KIRREL3: variants seen among roughly 807,000 people sequenced by gnomAD.
KIRREL3 encodes the protein kin of IRRE-like protein 3.
In KIRREL3, 36 loss-of-function variants were observed where a neutral mutation model predicts 89.7. That is an observed-to-expected ratio of 0.40 (90% CI 0.31 to 0.53). The LOEUF is 0.53. Ranked by LOEUF, KIRREL3 falls within the 20% of genes least tolerant of loss-of-function variation. KIRREL3 has a pLI of 0.49. For missense variants in KIRREL3, 864 were observed against 1,056.6 expected (o/e 0.82, Z 2.53); for synonymous variants, 445 against 441.4 (o/e 1.01, Z -0.10).
intron 1 of KIRREL3, among the ~76,000 whole-genome samples, chr11:126,698,274 G>T (rs1015721894): frequency 3.3e-5 from 5 of 152,160 alleles, no homozygotes; most frequent in African/African-American, 1.2e-4. Flanking sequence ...GAGATGAGGG[G>T]TTTTTGAAGA....
At chr11:126,726,583 G>C (rs957038718) in intron 1 of KIRREL3, among the ~76,000 whole-genome samples, 11 of 152,126 alleles carry the variant, frequency 7.2e-5, no homozygotes, top group African/African-American at 2.4e-4. Context: ...GGCCAGGCTG[G>C]TTTCAAACTC....
chr11:126,941,844 C>T (rs1784325), intron 1 of KIRREL3, among the ~76,000 whole-genome samples: 135,353 of 152,280 alleles, frequency 0.89, 60,322 homozygotes, highest in Middle Eastern at 0.96. Flanking sequence ...TTCCCTCTTG[C>T]TTTCTAGTTT....
Position 126,521,676 on chromosome 11 carries a change from ATGTGTGTGTGTGTGTGTGTGTGTGTG to A in KIRREL3, c.284-238_284-213del, listed in dbSNP as rs55838363. 0.076 allele frequency among the ~76,000 whole-genome samples: 10,901 copies of A among 143,600 alleles called. 1,186 individuals carry two copies. The highest frequency in any genetic ancestry group is 0.24 in the African/African-American group (9,137 of 38,708). The allele number at this position is 143,600 out of a possible 152,430, so 94.2% of individuals were successfully genotyped here. ...GTTGGTTCTCTCTCTCTCTCTCTGTATGTGTGTGTGTGTGTGTGTGTGTGTGTGTGTGTGTGTGTGTGTGTGTGTGT... is the reference window on the plus strand; with the variant it reads ...GTTGGTTCTCTCTCTCTCTCTCTGTATGTGTGTGTGTGTGTGTGTGTGTGT... On this transcript the variant is annotated intron_variant, in intron 3 of 16. Coordinates refer to ENST00000525144, the MANE Select transcript of KIRREL3 (RefSeq NM_032531.4). The surrounding 1 kb of genome is among the most constrained non-coding windows in gnomAD (Gnocchi z 4.1).
intron 1 of KIRREL3, among the ~76,000 whole-genome samples, chr11:126,852,034 G>C (rs554275072): frequency 6.8e-6 from 1 of 147,682 alleles, no homozygotes; most frequent in Non-Finnish European, 1.5e-5. Flanking sequence ...GAATTCAGAA[G>C]GTTGGGGCTA....
At chr11:126,581,545 T>TA (rs1353680559) in intron 1 of KIRREL3, among the ~76,000 whole-genome samples, 2 of 152,218 alleles carry the variant, frequency 1.3e-5, no homozygotes, top group African/African-American at 2.4e-5. Context: ...AAATTGAAAC[T>TA]AAAAGTTGTA....
chr11:126,679,175 C>T (rs777544324), intron 1 of KIRREL3, among the ~76,000 whole-genome samples: 9 of 152,154 alleles, frequency 5.9e-5, no homozygotes, highest in Non-Finnish European at 7.3e-5. Flanking sequence ...AGGATGAAAA[C>T]GTAACATGCC....
Position 126,606,595 on chromosome 11 carries a change from CA to C in KIRREL3, c.56-43684del, listed in dbSNP as rs1170758598. ...ACATCCCAGATGACCTTACACACCCCAGGGGTTGATACCAGGCCGAGACCCT... is the reference window on the plus strand; with the variant it reads ...ACATCCCAGATGACCTTACACACCCCGGGGTTGATACCAGGCCGAGACCCT... On this transcript the variant is annotated intron_variant, in intron 1 of 16. Coordinates refer to ENST00000525144, the MANE Select transcript of KIRREL3 (RefSeq NM_032531.4). The surrounding 1 kb of genome is among the most constrained non-coding windows in gnomAD (Gnocchi z 4.6). 6.6e-6 allele frequency among the ~76,000 whole-genome samples: 1 copy of C among 152,120 alleles called. No individual in the cohort carries two copies. The highest frequency in any genetic ancestry group is 1.5e-5 in the Non-Finnish European group (1 of 68,020).
intron 1 of KIRREL3, among the ~76,000 whole-genome samples, chr11:126,767,780 CA>C (rs1002219633): frequency 2.6e-5 from 4 of 152,182 alleles, no homozygotes; most frequent in African/African-American, 9.6e-5. Flanking sequence ...AAGAACCCAG[CA>C]AAATAATGGA....
rs1940755821 is a variant in KIRREL3, at chr11:126,569,333, GCGTTGACCTCAGAGGGT to G, written c.56-6438_56-6422del. 6.6e-6 allele frequency among the ~76,000 whole-genome samples: 1 copy of G among 152,178 alleles called. No individual in the cohort carries two copies. The highest frequency in any genetic ancestry group is 1.5e-5 in the Non-Finnish European group (1 of 68,026). On this transcript the variant is annotated intron_variant, in intron 1 of 16. Transcript: ENST00000525144. The surrounding 1 kb of genome is among the most constrained non-coding windows in gnomAD (Gnocchi z 6.5). ...GCTGAAGAAATATTTTTAACCAGTT[GCGTTGACCTCAGAGGGT>G]AAACATTTTGTTGGGGGAAACAGCA...
rs116191199 is a variant in KIRREL3, at chr11:126,736,535, C to G, written c.56-173623G>C. 0.014 allele frequency among the ~76,000 whole-genome samples: 2,143 copies of G among 152,152 alleles called. 48 individuals are homozygous for G. The highest frequency in any genetic ancestry group is 0.045 in the African/African-American group (1,883 of 41,486). ...TTCTCACCTGGGGGCGATTTTGTCC[C>G]CAGGGGACATTTGAGAACATCTGAA... On this transcript the variant is annotated intron_variant, in intron 1 of 16. Coordinates refer to ENST00000525144, the MANE Select transcript of KIRREL3 (RefSeq NM_032531.4). The surrounding 1 kb of genome is among the most constrained non-coding windows in gnomAD (Gnocchi z 5.0).
At chr11:126,665,608 A>C (rs776426001) in intron 1 of KIRREL3, among the ~76,000 whole-genome samples, 1 of 152,218 alleles carries the variant, frequency 6.6e-6, no homozygotes, top group Non-Finnish European at 1.5e-5. Context: ...GGTGCCATCC[A>C]TGAACCAGGA....
In KIRREL3 at chr11:126,525,609, G is replaced by A. The variant is rs1156366444; in HGVS notation, c.283+929C>T. 2.0e-5 allele frequency among the ~76,000 whole-genome samples: 3 copies of A among 152,170 alleles called. No individual in the cohort carries two copies. Among genetic ancestry groups the A allele is most frequent in the East Asian group, 3.9e-4 (2 of 5,192 alleles). ...ATTTTCCTGCAGCTGTACACCATGC[G>A]AGAGGCAAAGTTACTTCTCAGCTGA... On this transcript the variant is annotated intron_variant, in intron 3 of 16. Coordinates refer to ENST00000525144, the MANE Select transcript of KIRREL3 (RefSeq NM_032531.4). This position sits in a 1 kb window ranked among gnomAD's most constrained non-coding sequence, Gnocchi z 5.4.
At position 126,917,183 on chromosome 11, in the gene KIRREL3, A is replaced by C. The variant is rs1319824248; in HGVS notation, c.55+83272T>G. Reference sequence around the variant, plus strand: ...GATTCACCTTGAAAATATTATGCTAAATCAAATGAACCAGACACAGAAGGA... The same window carrying C: ...GATTCACCTTGAAAATATTATGCTACATCAAATGAACCAGACACAGAAGGA... On this transcript the variant is annotated intron_variant, in intron 1 of 16. Transcript: ENST00000525144. The surrounding 1 kb of genome is among the most constrained non-coding windows in gnomAD (Gnocchi z 5.0). Among the ~76,000 whole-genome samples, 1 of 152,222 alleles carries C rather than the reference A, an allele frequency of 6.6e-6. No individual in the cohort carries two copies. Among genetic ancestry groups the C allele is most frequent in the African/African-American group, 2.4e-5 (1 of 41,462 alleles).
Position 126,985,397 on chromosome 11 carries a change from G to A in KIRREL3, c.55+15058C>T, listed in dbSNP as rs557926130. Reference sequence around the variant, plus strand: ...AAGCTCACAATATGGAAGGGAAGGCGGACCAGAAACACTCCATGTGGATAA... The same window carrying A: ...AAGCTCACAATATGGAAGGGAAGGCAGACCAGAAACACTCCATGTGGATAA... On this transcript the variant is annotated intron_variant, in intron 1 of 16. Coordinates refer to ENST00000525144, the MANE Select transcript of KIRREL3 (RefSeq NM_032531.4). This position sits in a 1 kb window ranked among gnomAD's most constrained non-coding sequence, Gnocchi z 5.3. Among the ~76,000 whole-genome samples, 3 of 152,246 alleles carry A rather than the reference G, an allele frequency of 2.0e-5. No homozygotes were observed. The highest frequency in any genetic ancestry group is 2.1e-4 in the South Asian group (1 of 4,820).
rs1316201046 is a variant in KIRREL3, at chr11:126,639,571, G to A, written c.56-76659C>T. 6.6e-6 allele frequency among the ~76,000 whole-genome samples: 1 copy of A among 152,204 alleles called. No individual in the cohort carries two copies. The highest frequency in any genetic ancestry group is 2.4e-5 in the African/African-American group (1 of 41,454). ...CCAATTGCATCCCAGGACAGTTGCT[G>A]AAAGTCTCAGGGCTCTGCAAGCTGG... On this transcript the variant is annotated intron_variant, in intron 1 of 16. Coordinates refer to ENST00000525144, the MANE Select transcript of KIRREL3 (RefSeq NM_032531.4). This position sits in a 1 kb window ranked among gnomAD's most constrained non-coding sequence, Gnocchi z 4.3.
intron 1 of KIRREL3, among the ~76,000 whole-genome samples, chr11:126,927,781 T>A (rs1947783304): frequency 6.6e-6 from 1 of 152,192 alleles, no homozygotes; most frequent in East Asian, 1.9e-4. Flanking sequence ...ATTCTCAAAA[T>A]CTCAAGAGTA....
rs1039562177 is a variant in KIRREL3, at chr11:126,812,027, T to C, written c.55+188428A>G. Among the ~76,000 whole-genome samples, 4 of 152,230 alleles carry C rather than the reference T, an allele frequency of 2.6e-5. No homozygotes were observed. The highest frequency in any genetic ancestry group is 5.9e-5 in the Non-Finnish European group (4 of 68,036). ...GACCTTCTATTGTTGGTGGCAAATATGAGCAGGTTAAGGCACTTTTCGGGA... is the reference window on the plus strand; with the variant it reads ...GACCTTCTATTGTTGGTGGCAAATACGAGCAGGTTAAGGCACTTTTCGGGA... On this transcript the variant is annotated intron_variant, in intron 1 of 16. Coordinates refer to ENST00000525144, the MANE Select transcript of KIRREL3 (RefSeq NM_032531.4). The surrounding 1 kb of genome is among the most constrained non-coding windows in gnomAD (Gnocchi z 5.2).
Position 126,429,403 on chromosome 11 carries a change from C to T in KIRREL3, c.1697-115G>A. ...CCACCCTCTGCATTTCCCCTCCAGC[C>T]CCTGAACTCAGCAGCTTCACCAGCC... On this transcript the variant is annotated intron_variant, in intron 14 of 16. Transcript: ENST00000525144. The surrounding 1 kb of genome is among the most constrained non-coding windows in gnomAD (Gnocchi z 5.2). The T allele has an allele frequency of 1.4e-6, 1 of 712,910 alleles. No individual in the cohort carries two copies. The highest frequency in any genetic ancestry group is 2.5e-6 in the Non-Finnish European group (1 of 401,074). 44.2% of individuals were successfully genotyped at this position (712,910 alleles called of 1,614,324 possible). A position where few individuals can be genotyped will look rare whatever the true frequency, so the allele number is the denominator to read the frequency against.
At chr11:126,831,752 A>G (rs1447616857) in intron 1 of KIRREL3, among the ~76,000 whole-genome samples, 1 of 151,930 alleles carries the variant, frequency 6.6e-6, no homozygotes, top group African/African-American at 2.4e-5. Flanking sequence ...TCCTGAGGGG[A>G]TCCTAATGCC....
Sources: allele counts gnomAD v4.1 joint callset (sites outside exome capture counted in the v4.1 genomes callset), GRCh38; gene constraint gnomAD v4.1.1; non-coding constraint Gnocchi (gnomAD v3.1); transcripts MANE v1.5; gene names NCBI Gene and HGNC (gene_info 2026-07-23, HGNC 2026-07-21).